Variants in MIA3 observed in about 807,000 individuals in gnomAD.
MIA3 encodes transport and Golgi organization protein 1 homolog.
A neutral mutation model predicts 192.4 loss-of-function variants in MIA3; 90 were observed. The ratio of observed to expected loss-of-function variants is 0.47; its 90% CI spans 0.39 to 0.56. The LOEUF is 0.56. Among genes scored for constraint, MIA3 ranks in the 20% least tolerant of loss-of-function variants. The probability of loss-of-function intolerance (pLI) is 0.00; values close to 1 mark genes in which losing one functional copy is unlikely to be tolerated. For missense variants in MIA3, 2,123 were observed against 2,269.4 expected (o/e 0.94, Z 1.31); for synonymous variants, 740 against 792.8 (o/e 0.93, Z 1.12).
At chr1:222,622,144 G>A (rs528486279) in intron 2 of MIA3, among the ~76,000 whole-genome samples, 2 of 152,196 alleles carry the variant, frequency 1.3e-5, no homozygotes, top group African/African-American at 4.8e-5. Context: ...GGTCATCCTT[G>A]TCCTGCTTTT....
At chr1:222,627,056 A>AT (rs1212504380) in intron 3 of MIA3, among the ~76,000 whole-genome samples, 4 of 152,238 alleles carry the variant, frequency 2.6e-5, no homozygotes, top group Non-Finnish European at 5.9e-5. Context: ...TCAAAACAAA[A>AT]TTGAGAGACC....
At position 222,665,583 on chromosome 1, in the gene MIA3, C is replaced by T; in HGVS notation, c.5688C>T (p.Ser1896=). 2 of 1,611,164 alleles carry T rather than the reference C, an allele frequency of 1.2e-6. No homozygotes were observed. The highest frequency in any genetic ancestry group is 1.1e-5 in the South Asian group (1 of 90,712). Residue 1896 remains serine, a synonymous_variant, in exon 28 of 28, where the codon AGC becomes AGT. Transcript: ENST00000344922. ...DEPPPASQST[S]QDCSQALKQS... ...CTCCACCTGCCTCTCAGAGCACTAG[C>T]CAGGACTGTTCACAGGCTTTAAAAC...
chr1:222,632,434 A>G (rs1662442175), intron 5 of MIA3, 108 bp downstream of exon 5: 2 of 980,046 alleles, frequency 2.0e-6, no homozygotes, highest in East Asian at 2.5e-5. Flanking sequence ...TTCAAAGGAA[A>G]AAAGGATCCC....
intron 6 of MIA3, among the ~76,000 whole-genome samples, chr1:222,643,835 G>A (rs773573760): frequency 2.0e-5 from 3 of 152,116 alleles, no homozygotes; most frequent in Non-Finnish European, 4.4e-5. Flanking sequence ...GGGGTGACAC[G>A]ATGACATGAC....
intron 4 of MIA3, among the ~76,000 whole-genome samples, chr1:222,630,952 G>A (rs368566392): frequency 7.9e-5 from 12 of 152,102 alleles, no homozygotes; most frequent in Admixed American, 4.6e-4. Context: ...TGCTTGATGC[G>A]TGGAAGCCAT....
intron 3 of MIA3, among the ~76,000 whole-genome samples, chr1:222,626,653 G>A (rs1662133566): frequency 6.6e-6 from 1 of 152,192 alleles, no homozygotes; most frequent in Non-Finnish European, 1.5e-5. Context: ...CTTATTTGGA[G>A]TTAGGTACCT....
chr1:222,650,805 A>C lies in MIA3; in HGVS notation c.3811A>C (p.Thr1271Pro). The C allele has an allele frequency of 1.2e-6, 2 of 1,606,476 alleles. No individual in the cohort carries two copies. Among genetic ancestry groups the C allele is most frequent in the Non-Finnish European group, 1.7e-6 (2 of 1,175,758 alleles). The stretch of plus-strand genomic sequence containing the variant: ...ATCTTTTTTGTAGGATAAAATCAAG[A>C]CACTTGAAAAAAATCAGGAAATTCT... The part of the protein sequence containing the change: ...EAIKYKDKIK[T>P]LEKNQEILDD... Residue 1271 changes from threonine to proline, a missense_variant, in exon 11 of 28, where the codon ACA (threonine) becomes CCA (proline). Around this residue, in one of 3 missense-constraint regions of MIA3, gnomAD observed 762 missense variants for 856.4 expected, o/e 0.89. Transcript: ENST00000344922.
In MIA3 at chr1:222,633,124, A is replaced by G. The variant is rs774670511; in HGVS notation, c.3352A>G (p.Thr1118Ala). ...TCCAGGGCCAGTTACAACAGAAGACACTCCTATGGATGCTATTGATGCAAA... is the reference window on the plus strand; with the variant it reads ...TCCAGGGCCAGTTACAACAGAAGACGCTCCTATGGATGCTATTGATGCAAA... ...LDPGPVTTED[T>A]PMDAIDANKQ... is the part of the protein sequence containing the mutation. Residue 1118 changes from threonine (T) to alanine (A), a missense_variant, in exon 6 of 28, where the codon ACT becomes GCT. Physicochemically the swap from Thr to Ala is moderately conservative, Grantham distance 58 (BLOSUM62 0). This residue lies in a region of MIA3 where 1,357 missense variants were observed against 1,396.1 expected (regional missense o/e 0.97). Coordinates refer to ENST00000344922, the MANE Select transcript of MIA3 (RefSeq NM_198551.4). 2 of 1,605,650 alleles carry G rather than the reference A, an allele frequency of 1.2e-6. No individual in the cohort carries two copies. The highest frequency in any genetic ancestry group is 1.7e-6 in the Non-Finnish European group (2 of 1,177,920).
intron 6 of MIA3, chr1:222,644,516 C>A (rs1663034301): frequency 6.4e-7 from 1 of 1,550,642 alleles, no homozygotes; most frequent in South Asian, 1.2e-5. Flanking sequence ...ATCGCCGCTA[C>A]CCCGGGGGAC....
Position 222,628,651 on chromosome 1 carries a change from C to T in MIA3, c.1431C>T (p.Gly477=). Residue 477 remains glycine (G), a synonymous_variant, in exon 4 of 28, where the codon GGC becomes GGT. Transcript: ENST00000344922. The part of the protein sequence containing the change: ...KGRGVQESKR[G]LVQDKTELED... ...GGGGAGTTCAGGAATCCAAGAGGGG[C>T]CTGGTACAAGATAAGACAGAATTAG... is the stretch of plus-strand genomic sequence containing the variant. 1 of 1,613,840 alleles carries T rather than the reference C, an allele frequency of 6.2e-7. No individual in the cohort carries two copies. The highest frequency in any genetic ancestry group is 1.1e-5 in the South Asian group (1 of 91,062).
At chr1:222,653,396 C>A in intron 15 of MIA3, 57 bp downstream of exon 15, 2 of 1,089,298 alleles carry the variant, frequency 1.8e-6, no homozygotes, top group Non-Finnish European at 2.8e-6. Flanking sequence ...TTAAGTGCAC[C>A]AGTGCTACTT....
chr1:222,653,089 G>T lies in MIA3; in HGVS notation c.4168G>T (p.Asp1390Tyr). The T allele has an allele frequency of 1.3e-5, 21 of 1,612,474 alleles. No homozygotes were observed. The highest frequency in any genetic ancestry group is 1.6e-5 in the Non-Finnish European group (19 of 1,178,506). Reference protein sequence around the residue: ...QIKSFEKSQKDLEVALTHKDD... With the variant: ...QIKSFEKSQKYLEVALTHKDD... ...CAAATCATTTGAGAAGTCTCAGAAA[G>T]ATTTGGAAGTAGCTCTTACTCACAA... is the stretch of plus-strand genomic sequence containing the variant. Residue 1390 changes from aspartate to tyrosine, a missense_variant, in exon 14 of 28, where the codon GAT becomes TAT. Transcript: ENST00000344922.
intron 3 of MIA3, among the ~76,000 whole-genome samples, 179 bp downstream of exon 3, chr1:222,625,033 G>A (rs1013938796): frequency 6.0e-5 from 9 of 149,300 alleles, no homozygotes; most frequent in Admixed American, 2.7e-4. Context: ...TTTTTGAGTC[G>A]GAGTCTCGCT....
rs1004773290 is a variant in MIA3 at position 222,652,244 on chromosome 1, A to G, written c.3998A>G (p.Asn1333Ser). 1.2e-6 allele frequency: 2 copies of G among 1,613,336 alleles called. No individual in the cohort carries two copies. The highest frequency in any genetic ancestry group is 1.1e-5 in the South Asian group (1 of 91,076). ...SEFSEVQIAL[N>S]EAKLSEEKVK... ...TTGCATTAGGTTCAGATTGCACTTA[A>G]TGAAGCTAAGCTTAGTGAAGAGAAG... Residue 1333 changes from asparagine to serine, a missense_variant, in exon 13 of 28, where the codon AAT becomes AGT. By Grantham distance (46) the Asn-to-Ser change is conservative. Around this residue, in one of 3 missense-constraint regions of MIA3, gnomAD observed 762 missense variants for 856.4 expected, o/e 0.89. Transcript: ENST00000344922.
At chr1:222,642,663 A>G (rs1044254977) in intron 6 of MIA3, among the ~76,000 whole-genome samples, 1 of 152,216 alleles carries the variant, frequency 6.6e-6, no homozygotes, top group Non-Finnish European at 1.5e-5. Flanking sequence ...TTTTATATAA[A>G]GATCAGCATA....
intron 15 of MIA3, 105 bp from the exon 16 acceptor site, chr1:222,654,138 A>T: frequency 9.2e-7 from 1 of 1,091,870 alleles, no homozygotes; most frequent in Non-Finnish European, 1.3e-6. Flanking sequence ...TTTGTTCTTT[A>T]AATGTTTGAA....
chr1:222,618,305 C>T (rs1413396994), intron 1 of MIA3, 62 bp downstream of exon 1: 28 of 1,275,188 alleles, frequency 2.2e-5, no homozygotes, highest in Admixed American at 4.2e-5. Flanking sequence ...CCGCCGGCCC[C>T]GGGGGTCTCC....
In MIA3 at chr1:222,659,163, A is replaced by G. The variant is rs191714808; in HGVS notation, c.4710-290A>G. 5.8e-5 allele frequency: 26 copies of G among 445,658 alleles called. No individual in the cohort carries two copies. In the East Asian group the frequency reaches 9.6e-4, roughly 16 times the overall value. The allele number at this position is 445,658 out of a possible 1,614,324, so 27.6% of individuals were successfully genotyped here. A position where few individuals can be genotyped will look rare whatever the true frequency, so the allele number is the denominator to read the frequency against. On this transcript the variant is annotated intron_variant, in intron 19 of 27. Coordinates refer to ENST00000344922, the MANE Select transcript of MIA3 (RefSeq NM_198551.4). Reference sequence around the variant, plus strand: ...TTTTTATGATGTAATTAAAGGATGAAAAAAGGTTTATAGTGGAAGATATTA... The same window carrying G: ...TTTTTATGATGTAATTAAAGGATGAGAAAAGGTTTATAGTGGAAGATATTA...
At chr1:222,637,391 A>T (rs1177502712) in intron 6 of MIA3, among the ~76,000 whole-genome samples, 1 of 152,158 alleles carries the variant, frequency 6.6e-6, no homozygotes, top group Non-Finnish European at 1.5e-5. Flanking sequence ...CTCTTTTTTT[A>T]AAATTCTCTT....
Sources: gnomAD v4.1 joint callset for allele counts (sites outside exome capture counted in the v4.1 genomes callset) on GRCh38, gnomAD v4.1.1 for gene constraint, gnomAD v4.1.1 regional missense constraint, MANE v1.5 for transcripts, NCBI Gene and HGNC (gene_info 2026-07-23, HGNC 2026-07-21) for gene names.